The following OXSR1 variants were observed in gnomAD, a reference collection of about 807,000 sequenced individuals.
OXSR1 encodes the protein serine/threonine-protein kinase OSR1.
OXSR1 carries 24 observed loss-of-function variants against 79.8 expected under a neutral mutation model. The ratio of observed to expected loss-of-function variants is 0.30; its 90% CI spans 0.22 to 0.42. The LOEUF (loss-of-function observed/expected upper bound fraction) is 0.42. Ranked by LOEUF, OXSR1 falls within the 10% of genes least tolerant of loss-of-function variation. The pLI, the probability that OXSR1 is intolerant of heterozygous loss-of-function variation, is 1.00. For synonymous variants in OXSR1, 226 were observed against 209.2 expected (o/e 1.08, Z -0.69); for missense variants, 430 against 618.4 (o/e 0.70, Z 3.23).
At chr3:38,250,798 A>G (rs558350312) in intron 15 of OXSR1, among the ~76,000 whole-genome samples, 2 of 152,274 alleles carry the variant, frequency 1.3e-5, no homozygotes, top group African/African-American at 4.8e-5. Flanking sequence ...GCCTGTGTGA[A>G]TGTGTGGACA....
At chr3:38,181,251 A>G (rs1701779796) in intron 1 of OXSR1, among the ~76,000 whole-genome samples, 1 of 147,594 alleles carries the variant, frequency 6.8e-6, no homozygotes, top group Non-Finnish European at 1.5e-5. Flanking sequence ...CAAATGTTTT[A>G]TTTTGATAAT....
In OXSR1 at chr3:38,255,014, G is replaced by A. The variant is rs1253712490; in HGVS notation, c.*2123G>A. 6.5e-6 allele frequency: 1 copy of A among 152,686 alleles called. No individual in the cohort carries two copies. Among genetic ancestry groups the A allele is most frequent in the African/African-American group, 2.4e-5 (1 of 41,446 alleles). 9.5% of individuals were successfully genotyped at this position (152,686 alleles called of 1,614,324 possible). A position where few individuals can be genotyped will look rare whatever the true frequency, so the allele number is the denominator to read the frequency against. On this transcript the variant is annotated 3_prime_UTR_variant, in exon 18 of 18. Transcript: ENST00000311806. ...CAGTGTTACTTCTTCTGCATGATGT[G>A]TGGTAGACTCCCTTTGCTGGCTTGT...
chr3:38,171,365 AAC>A (rs1183513495), intron 1 of OXSR1, among the ~76,000 whole-genome samples: 1 of 152,216 alleles, frequency 6.6e-6, no homozygotes, highest in Non-Finnish European at 1.5e-5. Flanking sequence ...TTTTTCAGGA[AAC>A]ACATGATTAA....
chr3:38,175,373 A>T (rs1262971978), intron 1 of OXSR1, among the ~76,000 whole-genome samples: 1 of 152,060 alleles, frequency 6.6e-6, no homozygotes, highest in African/African-American at 2.4e-5. Context: ...CAGTATGATC[A>T]TGGCTCACCT....
At chr3:38,172,131 A>G (rs1427677587) in intron 1 of OXSR1, among the ~76,000 whole-genome samples, 1 of 152,044 alleles carries the variant, frequency 6.6e-6, no homozygotes, top group African/African-American at 2.4e-5. Flanking sequence ...CATATTTCCC[A>G]ATTTTTGGTA....
intron 4 of OXSR1, among the ~76,000 whole-genome samples, chr3:38,209,695 C>T (rs111714347): frequency 0.037 from 5,427 of 147,132 alleles, 108 homozygotes; most frequent in Middle Eastern, 0.13. Flanking sequence ...AGTGCAGTGG[C>T]GCAATCTCGG....
intron 3 of OXSR1, among the ~76,000 whole-genome samples, chr3:38,192,231 A>G (rs1701997437): frequency 6.6e-6 from 1 of 152,164 alleles, no homozygotes; most frequent in Admixed American, 6.6e-5. Context: ...GAGCCCTTTT[A>G]AAGTCACTCT....
At chr3:38,165,968 G>T (rs375221906) in intron 1 of OXSR1, 22 bp downstream of exon 1, 11 of 1,603,220 alleles carry the variant, frequency 6.9e-6, no homozygotes, top group South Asian at 1.1e-5. Context: ...CGCTGCGGAG[G>T]GGGGAGGCGC....
intron 1 of OXSR1, among the ~76,000 whole-genome samples, chr3:38,170,390 A>G (rs1400960774): frequency 6.6e-6 from 1 of 152,006 alleles, no homozygotes; most frequent in African/African-American, 2.4e-5. Flanking sequence ...AAAAGTTTTG[A>G]ATTTTGATGT....
intron 1 of OXSR1, among the ~76,000 whole-genome samples, chr3:38,171,795 T>A (rs956008739): frequency 6.6e-6 from 1 of 152,228 alleles, no homozygotes; most frequent in Non-Finnish European, 1.5e-5. Context: ...TTTCAGTATT[T>A]TTGAGCCCTT....
chr3:38,245,721 A>C (rs1215162093), intron 12 of OXSR1, among the ~76,000 whole-genome samples: 1 of 152,182 alleles, frequency 6.6e-6, no homozygotes, highest in African/African-American at 2.4e-5. Flanking sequence ...TGGGTGTGGA[A>C]GCAGGAACTA....
At chr3:38,198,059 A>G (rs1702098705) in intron 3 of OXSR1, among the ~76,000 whole-genome samples, 2 of 152,264 alleles carry the variant, frequency 1.3e-5, no homozygotes, top group Admixed American at 6.5e-5. Flanking sequence ...GCTTTTAATT[A>G]CTATATAGGT....
rs1034817795 is a variant in OXSR1, at chr3:38,216,002, T to G, written c.435-94T>G. 20 of 730,544 alleles carry G rather than the reference T, an allele frequency of 2.7e-5. No individual in the cohort carries two copies. The Admixed American group carries it at 3.8e-4, about 14-fold the overall frequency. The allele number at this position is 730,544 out of a possible 1,614,324, so 45.3% of individuals were successfully genotyped here. On this transcript the variant is annotated intron_variant, in intron 4 of 17. Coordinates refer to ENST00000311806, the MANE Select transcript of OXSR1 (RefSeq NM_005109.3). ...ATAAAATAGGACATTTAAATATTGC[T>G]AGTATTACATGAATATAGTAAACAA...
At chr3:38,247,827 T>G (rs1389476004) in intron 14 of OXSR1, 95 bp downstream of exon 14, 2 of 716,776 alleles carry the variant, frequency 2.8e-6, no homozygotes, top group Admixed American at 2.3e-5. Flanking sequence ...GATAGGATTG[T>G]ATGTCCTCCA....
chr3:38,197,484 C>T (rs1172821446), intron 3 of OXSR1, among the ~76,000 whole-genome samples: 2 of 152,176 alleles, frequency 1.3e-5, no homozygotes, highest in South Asian at 2.1e-4. Flanking sequence ...GTAGGGATCA[C>T]GTTGTCCTAA....
intron 1 of OXSR1, among the ~76,000 whole-genome samples, chr3:38,174,468 G>C (rs1446839854): frequency 6.6e-6 from 1 of 152,142 alleles, no homozygotes; most frequent in Non-Finnish European, 1.5e-5. Flanking sequence ...TGTAATCCCA[G>C]CTACTCGGGA....
intron 4 of OXSR1, among the ~76,000 whole-genome samples, chr3:38,215,682 A>C (rs1702468756): frequency 6.6e-6 from 1 of 152,198 alleles, no homozygotes; most frequent in Non-Finnish European, 1.5e-5. Flanking sequence ...AAAACTATAG[A>C]GATGCCTGAG....
At chr3:38,198,651 G>A in intron 3 of OXSR1, 71 bp from the exon 4 acceptor site, 4 of 1,213,836 alleles carry the variant, frequency 3.3e-6, no homozygotes, top group Non-Finnish European at 4.6e-6. Context: ...CATGTGTTTT[G>A]ATTCTAAAAT....
intron 1 of OXSR1, 106 bp downstream of exon 1, chr3:38,166,052 C>A: frequency 1.0e-6 from 1 of 960,812 alleles, no homozygotes; most frequent in Non-Finnish European, 1.6e-6. Flanking sequence ...CATAGGAATT[C>A]GTGGGGCGCT....
Sources: gnomAD v4.1 joint callset for allele counts (sites outside exome capture counted in the v4.1 genomes callset) on GRCh38, gnomAD v4.1.1 for gene constraint, MANE v1.5 for transcripts, NCBI Gene and HGNC (gene_info 2026-07-23, HGNC 2026-07-21) for gene names.